The following TENM4 variants were observed in gnomAD, a reference collection of about 807,000 sequenced individuals.
The protein encoded by TENM4 is teneurin transmembrane protein 4.
Under a neutral mutation model 243.3 loss-of-function variants are expected in TENM4, and 82 were observed. That is an observed-to-expected ratio of 0.34 (90% CI 0.28 to 0.40). The LOEUF is 0.40. TENM4 is among the 10% of genes least tolerant of loss of function. The pLI is 1.00. For missense variants in TENM4, 3,138 were observed against 3,673.3 expected, an observed-to-expected ratio of 0.85 and a Z score of 3.77; for synonymous variants, 1,412 against 1,456.3, an observed-to-expected ratio of 0.97 and a Z score of 0.69.
chr11:79,316,146 C>T, intron 1 of TENM4, among the ~76,000 whole-genome samples: 1 of 152,032 alleles, frequency 6.6e-6, no homozygotes, highest in East Asian at 1.9e-4. Context: ...TCCCAGGATT[C>T]TGAGACAGGA....
At chr11:78,907,187 C>G (rs1856081366) in intron 6 of TENM4, among the ~76,000 whole-genome samples, 1 of 151,726 alleles carries the variant, frequency 6.6e-6, no homozygotes, top group Non-Finnish European at 1.5e-5. Flanking sequence ...TCACAAACCC[C>G]AGAAAGAAAC....
chr11:79,398,636 A>G (rs2135552094), intron 1 of TENM4, among the ~76,000 whole-genome samples: 1 of 152,044 alleles, frequency 6.6e-6, no homozygotes, highest in South Asian at 2.1e-4. Flanking sequence ...TGGACCCAAT[A>G]GAACTTAACA....
At chr11:78,926,707 G>C (rs1386678990) in intron 6 of TENM4, among the ~76,000 whole-genome samples, 9 of 145,120 alleles carry the variant, frequency 6.2e-5, no homozygotes, top group Non-Finnish European at 1.0e-4. Flanking sequence ...CAGAGGCATA[G>C]CTTTAACATG....
intron 4 of TENM4, among the ~76,000 whole-genome samples, chr11:79,103,671 C>G (rs191142549): frequency 6.6e-6 from 1 of 152,222 alleles, no homozygotes; most frequent in Non-Finnish European, 1.5e-5. Context: ...TTGTAAGATA[C>G]TTTCCGATTT....
chr11:79,193,485 A>T (rs1252029660), intron 3 of TENM4, among the ~76,000 whole-genome samples: 2 of 152,174 alleles, frequency 1.3e-5, no homozygotes, highest in African/African-American at 2.4e-5. Flanking sequence ...GAATCAGGAG[A>T]CAAAGCTTGT....
At position 78,696,391 on chromosome 11, in the gene TENM4, AT is replaced by A. The variant is rs1858963073; in HGVS notation, c.5087+5134del. On this transcript the variant is annotated intron_variant, in intron 28 of 33. Transcript: ENST00000278550. The stretch of plus-strand genomic sequence containing the variant: ...GTCATACCTGAACGTGATTCTGATG[AT>A]TTCTTTGCCTCTCGGGAATGTGTTG... 1.1e-4 allele frequency among the ~76,000 whole-genome samples: 16 copies of A among 152,098 alleles called. No homozygotes were observed. The South Asian group carries it at 3.3e-3, about 32-fold the overall frequency.
At chr11:78,761,021 T>G (rs983379127) in intron 18 of TENM4, among the ~76,000 whole-genome samples, 11 of 152,232 alleles carry the variant, frequency 7.2e-5, no homozygotes, top group African/African-American at 2.4e-4. Flanking sequence ...TATATCGTTT[T>G]CTCTCTTTAG....
intron 6 of TENM4, among the ~76,000 whole-genome samples, chr11:78,955,042 CT>C (rs1406046484): frequency 4.6e-5 from 7 of 152,224 alleles, no homozygotes; most frequent in African/African-American, 1.7e-4. Context: ...AAGTTTGTAA[CT>C]GGGAAACTGA....
chr11:79,254,750 G>C (rs1483819262), intron 2 of TENM4, among the ~76,000 whole-genome samples: 3 of 152,172 alleles, frequency 2.0e-5, no homozygotes, highest in Non-Finnish European at 4.4e-5. Context: ...TGAGAGTGGA[G>C]GAGAGTCACA....
intron 4 of TENM4, among the ~76,000 whole-genome samples, chr11:79,109,299 C>T (rs1425418105): frequency 6.6e-6 from 1 of 152,156 alleles, no homozygotes; most frequent in Non-Finnish European, 1.5e-5. Context: ...ACTCGTGAAG[C>T]ACCCTTGGAG....
intron 6 of TENM4, among the ~76,000 whole-genome samples, chr11:79,058,750 C>A (rs567013506): frequency 6.6e-6 from 1 of 152,102 alleles, no homozygotes. Flanking sequence ...TCACAGATTC[C>A]GAGAGGCTCA....
intron 4 of TENM4, among the ~76,000 whole-genome samples, chr11:79,080,501 A>G (rs572241060): frequency 7.9e-5 from 12 of 152,216 alleles, no homozygotes; most frequent in African/African-American, 2.4e-4. Context: ...AGGGAGAGGA[A>G]GATGATCCCG....
intron 6 of TENM4, among the ~76,000 whole-genome samples, chr11:78,917,175 G>A (rs678748): frequency 0.95 from 144,860 of 152,300 alleles, 69,120 homozygotes; most frequent in Non-Finnish European, 0.99. Flanking sequence ...TCCTTTCACA[G>A]GTAAGAAAAT....
At chr11:79,048,300 C>T (rs959434464) in intron 6 of TENM4, among the ~76,000 whole-genome samples, 2 of 152,164 alleles carry the variant, frequency 1.3e-5, no homozygotes, top group African/African-American at 4.8e-5. Context: ...CACACAATGA[C>T]CAAACACTCC....
chr11:79,367,775 T>G (rs1857704715), intron 1 of TENM4, among the ~76,000 whole-genome samples: 1 of 152,168 alleles, frequency 6.6e-6, no homozygotes, highest in Admixed American at 6.5e-5. Flanking sequence ...AAATGTGACA[T>G]TCAAATGGCC....
At chr11:79,053,856 C>T (rs1219561945) in intron 6 of TENM4, among the ~76,000 whole-genome samples, 1 of 152,180 alleles carries the variant, frequency 6.6e-6, no homozygotes, top group East Asian at 1.9e-4. Flanking sequence ...AGACTGAAGT[C>T]AAAGGAAAGC....
chr11:79,079,777 A>G (rs555689272), intron 4 of TENM4, among the ~76,000 whole-genome samples: 6 of 149,224 alleles, frequency 4.0e-5, no homozygotes, highest in Non-Finnish European at 7.4e-5. Flanking sequence ...GGTTGCAGTG[A>G]GCTGACATCG....
At chr11:78,675,645 T>C (rs531790949) in intron 30 of TENM4, among the ~76,000 whole-genome samples, 3 of 152,266 alleles carry the variant, frequency 2.0e-5, no homozygotes, top group African/African-American at 7.2e-5. Flanking sequence ...TCGGGTGAGG[T>C]CATTTTGGAG....
chr11:78,864,745 T>C (rs78820521), intron 9 of TENM4, among the ~76,000 whole-genome samples: 1,801 of 152,308 alleles, frequency 0.012, 27 homozygotes, highest in African/African-American at 0.034. Context: ...TGGACCCTCA[T>C]GACACCCTGG....
Sources: allele counts gnomAD v4.1 joint callset (sites outside exome capture counted in the v4.1 genomes callset), GRCh38; gene constraint gnomAD v4.1.1; transcripts MANE v1.5; gene names NCBI Gene and HGNC (gene_info 2026-07-23, HGNC 2026-07-21).